The following KDM5A variants were observed in gnomAD, a reference collection of about 807,000 sequenced individuals.
KDM5A encodes lysine demethylase 5A.
In KDM5A, 42 loss-of-function variants were observed where a neutral mutation model predicts 193.5. The observed-to-expected ratio is 0.22, with a 90% CI of 0.17 to 0.28. The LOEUF is 0.28. KDM5A is among the 10% of genes least tolerant of loss of function. The pLI is 1.00. For missense variants in KDM5A, 1,692 were observed against 2,055.1 expected (o/e 0.82, Z 3.42); for synonymous variants, 796 against 718.1 (o/e 1.11, Z -1.73).
At chr12:341,054 G>A (rs1943997746) in intron 10 of KDM5A, among the ~76,000 whole-genome samples, 1 of 152,126 alleles carries the variant, frequency 6.6e-6, no homozygotes, top group African/African-American at 2.4e-5. Flanking sequence ...TAGTTACTTA[G>A]GGTTGATACA....
chr12:376,216 G>A (rs542563052), intron 3 of KDM5A, among the ~76,000 whole-genome samples: 234 of 152,294 alleles, frequency 1.5e-3, no homozygotes, highest in African/African-American at 4.1e-4. Context: ...CTTGAGCTGC[G>A]GTGGGCTCCA....
rs1026036052 is a variant in KDM5A, at chr12:375,242, T to C, written c.366+8789A>G. ...CAGACACAGACTTGGTCTTTTCACATAGTCCCACATTTCTTGGAGGCTTTG... is the reference window on the plus strand; with the variant it reads ...CAGACACAGACTTGGTCTTTTCACACAGTCCCACATTTCTTGGAGGCTTTG... On this transcript the variant is annotated intron_variant, in intron 3 of 27. Transcript: ENST00000399788. Among the ~76,000 whole-genome samples, 11 of 152,356 alleles carry C rather than the reference T, an allele frequency of 7.2e-5. No homozygotes were observed. In the East Asian group the frequency reaches 1.2e-3, roughly 16 times the overall value.
chr12:384,533 T>C (rs569001172), intron 2 of KDM5A, among the ~76,000 whole-genome samples: 17 of 152,244 alleles, frequency 1.1e-4, no homozygotes, highest in East Asian at 3.9e-4. Context: ...GAGGTACTCA[T>C]TTCTCTAAAG....
intron 3 of KDM5A, among the ~76,000 whole-genome samples, chr12:369,997 TC>T (rs1290139907): frequency 2.0e-5 from 3 of 152,194 alleles, no homozygotes; most frequent in Non-Finnish European, 2.9e-5. Context: ...TTACTTTGGC[TC>T]CACGCATACA....
chr12:367,529 T>G (rs1482792848), intron 3 of KDM5A, among the ~76,000 whole-genome samples: 6 of 152,046 alleles, frequency 3.9e-5, no homozygotes, highest in African/African-American at 1.4e-4. Flanking sequence ...AAACCCCATC[T>G]CTTCTAAAAA....
At chr12:346,262 G>A (rs1367390037) in intron 10 of KDM5A, among the ~76,000 whole-genome samples, 2 of 152,080 alleles carry the variant, frequency 1.3e-5, no homozygotes, top group Non-Finnish European at 2.9e-5. Flanking sequence ...CTCTGAAATT[G>A]AGGCAATAAT....
chr12:309,775 A>G lies in KDM5A; in HGVS notation c.3378+28T>C, dbSNP rs368484019. On this transcript the variant is annotated intron_variant, in intron 22 of 27. Transcript: ENST00000399788. ...CTACAGAGTTTTGTATTCACCAAGC[A>G]AACTCAAGATGCTAGGTAATTTCTT... 5.6e-6 allele frequency: 9 copies of G among 1,613,128 alleles called. No individual in the cohort carries two copies. In the African/African-American group the frequency reaches 1.2e-4, roughly 22 times the overall value.
intron 22 of KDM5A, among the ~76,000 whole-genome samples, chr12:308,450 A>G (rs1035480912): frequency 8.5e-5 from 13 of 152,226 alleles, no homozygotes; most frequent in Admixed American, 1.3e-4. Flanking sequence ...ACACTCTTAA[A>G]GTATTAGTTT....
chr12:319,567 A>G (rs1211354033), intron 18 of KDM5A, among the ~76,000 whole-genome samples: 1 of 151,956 alleles, frequency 6.6e-6, no homozygotes, highest in Non-Finnish European at 1.5e-5. Flanking sequence ...GCCTGGGCAA[A>G]ATGGCAAAAA....
chr12:328,810 T>C (rs145976433), intron 14 of KDM5A, 25 bp downstream of exon 14: 107 of 1,610,080 alleles, frequency 6.6e-5, no homozygotes, highest in East Asian at 2.2e-4. Context: ...GTATCAAACA[T>C]AGAAAATGTG....
chr12:374,765 C>A (rs1944480086), intron 3 of KDM5A, among the ~76,000 whole-genome samples: 1 of 152,090 alleles, frequency 6.6e-6, no homozygotes, highest in African/African-American at 2.4e-5. Flanking sequence ...GTAGGGCAGG[C>A]CTGGTGGTGA....
At position 281,153 on chromosome 12, in the gene KDM5A, T is replaced by C. The variant is rs1450090740; in HGVS notation, c.*4303A>G. 1 of 233,030 alleles carries C rather than the reference T, an allele frequency of 4.3e-6. No individual in the cohort carries two copies. Among genetic ancestry groups the C allele is most frequent in the Non-Finnish European group, 8.5e-6 (1 of 117,986 alleles). The allele number at this position is 233,030 out of a possible 1,614,324, so 14.4% of individuals were successfully genotyped here. A position where few individuals can be genotyped will look rare whatever the true frequency, so the allele number is the denominator to read the frequency against. Reference sequence around the variant, plus strand: ...GTAATGCAATTAACCATATCTAATATTCTTTTAGAAAACACAAGAAACACA... The same window carrying C: ...GTAATGCAATTAACCATATCTAATACTCTTTTAGAAAACACAAGAAACACA... On this transcript the variant is annotated 3_prime_UTR_variant, in exon 28 of 28. Coordinates refer to ENST00000399788, the MANE Select transcript of KDM5A (RefSeq NM_001042603.3).
chr12:311,137 T>C, intron 20 of KDM5A, 73 bp from the exon 21 acceptor site: 1 of 1,348,610 alleles, frequency 7.4e-7, no homozygotes, highest in Admixed American at 1.8e-5. Context: ...TGAAAGACCT[T>C]ACAAAGTTTA....
At chr12:372,130 G>A (rs887056289) in intron 3 of KDM5A, among the ~76,000 whole-genome samples, 4 of 152,142 alleles carry the variant, frequency 2.6e-5, no homozygotes, top group African/African-American at 9.7e-5. Context: ...TTCCAATTCT[G>A]TGAAGAAAGT....
At chr12:377,690 C>T (rs891383974) in intron 3 of KDM5A, among the ~76,000 whole-genome samples, 1 of 152,138 alleles carries the variant, frequency 6.6e-6, no homozygotes, top group Admixed American at 6.5e-5. Flanking sequence ...TCCCATTAAC[C>T]ATCTTTCTCA....
intron 3 of KDM5A, among the ~76,000 whole-genome samples, chr12:370,029 A>T (rs1482941302): frequency 6.6e-6 from 1 of 152,218 alleles, no homozygotes; most frequent in Non-Finnish European, 1.5e-5. Context: ...AATCTAACCA[A>T]AAAACACACA....
chr12:384,277 A>G (rs10774150), intron 2 of KDM5A, 124 bp from the exon 3 acceptor site: 561,334 of 734,892 alleles, frequency 0.76, 215,426 homozygotes, highest in Admixed American at 0.85. Flanking sequence ...GAACCCAGCC[A>G]CACAGCAGGA....
chr12:370,474 A>C (rs1944412487), intron 3 of KDM5A, among the ~76,000 whole-genome samples: 1 of 152,268 alleles, frequency 6.6e-6, no homozygotes, highest in African/African-American at 2.4e-5. Flanking sequence ...CACTGTCCCC[A>C]GAAATATCAC....
intron 10 of KDM5A, among the ~76,000 whole-genome samples, chr12:342,132 G>A (rs922175087): frequency 6.6e-6 from 1 of 152,018 alleles, no homozygotes; most frequent in African/African-American, 2.4e-5. Flanking sequence ...ATAAAAGAAT[G>A]GAAAAAGATA....
Sources: allele counts gnomAD v4.1 joint callset (sites outside exome capture counted in the v4.1 genomes callset), GRCh38; gene constraint gnomAD v4.1.1; transcripts MANE v1.5; gene names NCBI Gene and HGNC (gene_info 2026-07-23, HGNC 2026-07-21).